ZNF423: variants seen among roughly 807,000 people sequenced by gnomAD.
The protein encoded by ZNF423 is zinc finger protein 423.
A neutral mutation model predicts 95.8 loss-of-function variants in ZNF423; 12 were observed. The ratio of observed to expected loss-of-function variants is 0.13; its 90% CI spans 0.08 to 0.20. The LOEUF is 0.20. Ranked by LOEUF, ZNF423 falls within the 10% of genes least tolerant of loss-of-function variation. The pLI is 1.00. For missense variants in ZNF423, 1,316 were observed against 1,737.1 expected, an observed-to-expected ratio of 0.76 and a Z score of 4.31; for synonymous variants, 749 against 711.9, an observed-to-expected ratio of 1.05 and a Z score of -0.83.
At chr16:49,617,802 A>G (rs1163041161) in intron 5 of ZNF423, among the ~76,000 whole-genome samples, 1 of 152,002 alleles carries the variant, frequency 6.6e-6, no homozygotes, top group Non-Finnish European at 1.5e-5. Flanking sequence ...ATCTGATGCC[A>G]CTGACCCTGC....
chr16:49,809,756 C>A (rs565755653), intron 1 of ZNF423, among the ~76,000 whole-genome samples: 2 of 152,292 alleles, frequency 1.3e-5, no homozygotes, highest in East Asian at 3.9e-4. Context: ...CTCCAAAGTG[C>A]CTCCACCAAG....
chr16:49,857,955 G>T (rs2035389429), upstream of ZNF423: 1 of 152,140 alleles, frequency 6.6e-6, no homozygotes, highest in Non-Finnish European at 1.5e-5. The surrounding 1 kb of genome is among the most constrained non-coding windows in gnomAD (Gnocchi z 6.2). Context: ...CCGTTCCTCG[G>T]AGCCTCTCCC....
chr16:49,806,413 T>A (rs2034664427), intron 1 of ZNF423, among the ~76,000 whole-genome samples: 1 of 152,222 alleles, frequency 6.6e-6, no homozygotes, highest in Non-Finnish European at 1.5e-5. Context: ...GCAGGTAAGA[T>A]CGGCACCCCA....
chr16:49,597,023 C>A (rs1171684120), intron 5 of ZNF423, among the ~76,000 whole-genome samples: 2 of 152,230 alleles, frequency 1.3e-5, no homozygotes, highest in African/African-American at 4.8e-5. Context: ...ATCCAACCAC[C>A]TAAGAGCTCT....
At chr16:49,823,600 C>T (rs1258985748) in intron 1 of ZNF423, among the ~76,000 whole-genome samples, 1 of 151,848 alleles carries the variant, frequency 6.6e-6, no homozygotes, top group African/African-American at 2.4e-5. Flanking sequence ...TTTCAAAATG[C>T]TCTGCAACAT....
At chr16:49,708,930 G>A (rs559469402) in intron 3 of ZNF423, among the ~76,000 whole-genome samples, 1 of 152,154 alleles carries the variant, frequency 6.6e-6, no homozygotes, top group South Asian at 2.1e-4. Flanking sequence ...GAATGGGCGG[G>A]GGGTAAAGAT....
chr16:49,664,129 G>A (rs1343237797), intron 3 of ZNF423: 5 of 985,462 alleles, frequency 5.1e-6, no homozygotes, highest in Non-Finnish European at 6.0e-6. Flanking sequence ...GGGCAAACTG[G>A]CCGATGCCAA....
chr16:49,672,096 G>A (rs1230549431), intron 3 of ZNF423, among the ~76,000 whole-genome samples: 1 of 152,200 alleles, frequency 6.6e-6, no homozygotes, highest in Admixed American at 6.5e-5. Flanking sequence ...TGCACTTGCT[G>A]CAAATTTGGG....
At position 49,636,043 on chromosome 16, in the gene ZNF423, T is replaced by C; in HGVS notation, c.3133A>G (p.Ile1045Val). ...TTCTGCATGTGGAAGGTGCCATGGA[T>C]CTTGAGCTCAAGCGTGGAAGTGACT... is the stretch of plus-strand genomic sequence containing the variant. ...QTVTSTLELK[I>V]HGTFHMQKLA... The change falls in exon 4 of 8, where the codon ATC becomes GTC. Residue 1045 changes from isoleucine (I) to valine (V), a missense_variant. Physicochemically the swap from Ile to Val is conservative, Grantham distance 29 (BLOSUM62 3). Transcript: ENST00000563137. This position sits in a 1 kb window ranked among gnomAD's most constrained non-coding sequence, Gnocchi z 8.6. 1 of 1,612,766 alleles carries C rather than the reference T, an allele frequency of 6.2e-7. No individual in the cohort carries two copies. The highest frequency in any genetic ancestry group is 8.5e-7 in the Non-Finnish European group (1 of 1,179,082).
intron 3 of ZNF423, among the ~76,000 whole-genome samples, chr16:49,659,507 G>A (rs1277063029): frequency 6.6e-6 from 1 of 152,208 alleles, no homozygotes. Context: ...TCTGAGGGAG[G>A]GACTTGCCCC....
At chr16:49,593,029 A>T (rs1053753517) in intron 5 of ZNF423, among the ~76,000 whole-genome samples, 5 of 152,056 alleles carry the variant, frequency 3.3e-5, no homozygotes, top group Admixed American at 1.3e-4. Context: ...TCCTTCAAAT[A>T]CCTGATCAAG....
At chr16:49,854,408 A>T in intron 1 of ZNF423, 1 of 982,494 alleles carries the variant, frequency 1.0e-6, no homozygotes, top group Non-Finnish European at 1.2e-6. Flanking sequence ...AGTTCCAGCC[A>T]TTCCAGCCAG....
intron 5 of ZNF423, among the ~76,000 whole-genome samples, chr16:49,619,671 A>G (rs576665551): frequency 6.6e-6 from 1 of 152,214 alleles, no homozygotes. Context: ...AACCTGAAAC[A>G]TGATCTCTGG....
At chr16:49,593,608 ACT>A (rs72196988) in intron 5 of ZNF423, among the ~76,000 whole-genome samples, 4,353 of 151,310 alleles carry the variant, frequency 0.029, 67 homozygotes, top group Non-Finnish European at 0.043. Flanking sequence ...CTCTACCCTG[ACT>A]CTCTGCCTGC....
intron 3 of ZNF423, among the ~76,000 whole-genome samples, chr16:49,661,731 C>T (rs766651749): frequency 6.6e-6 from 1 of 152,216 alleles, no homozygotes; most frequent in Non-Finnish European, 1.5e-5. Context: ...AGTGAGCACA[C>T]CCAGCAAAGC....
intron 1 of ZNF423, among the ~76,000 whole-genome samples, chr16:49,836,833 A>T (rs1346322057): frequency 3.3e-5 from 5 of 152,180 alleles, no homozygotes; most frequent in Non-Finnish European, 7.3e-5. Flanking sequence ...GACAGGATAC[A>T]AAGAGAGGTC....
intron 1 of ZNF423, among the ~76,000 whole-genome samples, chr16:49,810,359 C>T (rs1224301110): frequency 6.6e-6 from 1 of 152,172 alleles, no homozygotes; most frequent in African/African-American, 2.4e-5. Context: ...GGACCTCTGC[C>T]ACTGCTGCTC....
intron 3 of ZNF423, among the ~76,000 whole-genome samples, chr16:49,687,041 C>T (rs2151942722): frequency 6.6e-6 from 1 of 152,080 alleles, no homozygotes; most frequent in Non-Finnish European, 1.5e-5. Context: ...ATGGCGACAC[C>T]CCCTCCATGT....
intron 2 of ZNF423, among the ~76,000 whole-genome samples, chr16:49,755,366 C>T (rs928735781): frequency 6.6e-6 from 1 of 152,188 alleles, no homozygotes; most frequent in Admixed American, 6.5e-5. Flanking sequence ...ATCTGCTTGC[C>T]GCTTCCTGCT....
Sources: allele counts gnomAD v4.1 joint callset (sites outside exome capture counted in the v4.1 genomes callset), GRCh38; gene constraint gnomAD v4.1.1; non-coding constraint Gnocchi (gnomAD v3.1); transcripts MANE v1.5; gene names NCBI Gene and HGNC (gene_info 2026-07-23, HGNC 2026-07-21).